Variants in PDE4D observed in about 807,000 individuals in gnomAD.
The protein encoded by PDE4D is phosphodiesterase 4D.
PDE4D carries 24 observed loss-of-function variants against 87.4 expected under a neutral mutation model. The ratio of observed to expected loss-of-function variants is 0.27; its 90% CI spans 0.20 to 0.39. The LOEUF (loss-of-function observed/expected upper bound fraction) is 0.39. Ranked by LOEUF, PDE4D falls within the 10% of genes least tolerant of loss-of-function variation. PDE4D has a pLI of 1.00. For synonymous variants in PDE4D, 384 were observed against 383.2 expected (o/e 1.00, Z -0.02); for missense variants, 714 against 1,041.0 (o/e 0.69, Z 4.32).
intron 1 of PDE4D, among the ~76,000 whole-genome samples, chr5:59,639,026 G>A (rs1741086841): frequency 6.6e-6 from 1 of 152,038 alleles, no homozygotes; most frequent in South Asian, 2.1e-4. Flanking sequence ...GAAGTAGGAA[G>A]AGAAAAATTC....
rs199792727 is a variant in PDE4D, at chr5:58,975,103, A to C, written c.2014-23T>G. The C allele has an allele frequency of 8.9e-5, 126 of 1,422,174 alleles. 1 individual carries two copies. The African/African-American group carries it at 1.8e-3, about 20-fold the overall frequency. 88.1% of individuals were successfully genotyped at this position (1,422,174 alleles called of 1,614,324 possible). A position where few individuals can be genotyped will look rare whatever the true frequency, so the allele number is the denominator to read the frequency against. On this transcript the variant is annotated intron_variant, in intron 14 of 14. Coordinates refer to ENST00000340635, the MANE Select transcript of PDE4D (RefSeq NM_001104631.2). This position sits in a 1 kb window ranked among gnomAD's most constrained non-coding sequence, Gnocchi z 4.2. Reference sequence around the variant, plus strand: ...CACCTAGTTAAGAAAAAAATCCAGTATGAGTAGAGGACTTGGGACTAAGAA... The same window carrying C: ...CACCTAGTTAAGAAAAAAATCCAGTCTGAGTAGAGGACTTGGGACTAAGAA...
chr5:59,017,059 G>A (rs1754149071), intron 6 of PDE4D, among the ~76,000 whole-genome samples: 1 of 152,120 alleles, frequency 6.6e-6, no homozygotes. Context: ...AACCAGATTT[G>A]GGGCACAGCA....
chr5:60,390,028 C>A (rs1049554246), intron 1 of PDE4D, among the ~76,000 whole-genome samples: 2 of 152,206 alleles, frequency 1.3e-5, no homozygotes, highest in African/African-American at 2.4e-5. Flanking sequence ...AGAAACCAAG[C>A]TCTAGCATCC....
chr5:59,704,086 C>T (rs776167779), intron 1 of PDE4D, among the ~76,000 whole-genome samples: 11 of 152,176 alleles, frequency 7.2e-5, no homozygotes, highest in East Asian at 1.9e-4. Context: ...TCAAGGAGTG[C>T]GAGGGAGGTA....
chr5:60,499,840 A>G (rs1217101011), intron 1 of PDE4D, among the ~76,000 whole-genome samples: 2 of 152,164 alleles, frequency 1.3e-5, no homozygotes. Flanking sequence ...TGCTTATGGT[A>G]TATTTCTCTC....
intron 1 of PDE4D, among the ~76,000 whole-genome samples, chr5:59,745,444 C>T (rs960133344): frequency 6.6e-6 from 1 of 152,146 alleles, no homozygotes; most frequent in Non-Finnish European, 1.5e-5. Context: ...CAGTAAAGAA[C>T]TGTGTTGATG....
At chr5:59,320,102 C>A (rs1444316514) in intron 1 of PDE4D, among the ~76,000 whole-genome samples, 1 of 151,738 alleles carries the variant, frequency 6.6e-6, no homozygotes, top group African/African-American at 2.4e-5. Flanking sequence ...GGTGGTTGAC[C>A]CTGAGCTCTC....
At chr5:60,395,994 C>T (rs986423083) in intron 1 of PDE4D, among the ~76,000 whole-genome samples, 1 of 152,148 alleles carries the variant, frequency 6.6e-6, no homozygotes, top group Non-Finnish European at 1.5e-5. Context: ...ACCCAGCCCA[C>T]GGTTACCAAG....
intron 1 of PDE4D, among the ~76,000 whole-genome samples, chr5:60,468,387 C>T (rs1193528603): frequency 6.6e-6 from 1 of 152,076 alleles, no homozygotes; most frequent in Non-Finnish European, 1.5e-5. Context: ...AACCCACCTG[C>T]CTCAGCATCC....
intron 2 of PDE4D, among the ~76,000 whole-genome samples, chr5:60,094,384 TTTAAG>T (rs1420344681): frequency 1.3e-5 from 2 of 152,152 alleles, no homozygotes; most frequent in African/African-American, 4.8e-5. Context: ...GTAGAGAGAC[TTTAAG>T]TTAAAAGACT....
intron 1 of PDE4D, among the ~76,000 whole-genome samples, chr5:59,300,183 AAT>A (rs1005633231): frequency 1.1e-4 from 17 of 151,980 alleles, no homozygotes; most frequent in Non-Finnish European, 2.5e-4. Context: ...ATGAATGAAA[AAT>A]ACACTTTATT....
At chr5:59,325,342 A>G (rs1266744026) in intron 1 of PDE4D, among the ~76,000 whole-genome samples, 1 of 152,194 alleles carries the variant, frequency 6.6e-6, no homozygotes, top group African/African-American at 2.4e-5. Flanking sequence ...AACATTGAAC[A>G]ATGCAGTAGT....
intron 1 of PDE4D, among the ~76,000 whole-genome samples, chr5:60,225,545 G>T (rs1166696744): frequency 3.3e-5 from 5 of 151,936 alleles, no homozygotes; most frequent in Non-Finnish European, 7.4e-5. Flanking sequence ...GTCACTATTA[G>T]GTTCATTTGT....
rs1221203733 is a variant in PDE4D, at chr5:59,502,530, C to A, written c.456-286562G>T. ...AAAGATGGAGATATATCTAATGAAA[C>A]ATAAATTTAAAAAAAGACATTTTAT... is the stretch of plus-strand genomic sequence containing the variant. On this transcript the variant is annotated intron_variant, in intron 1 of 14. Transcript: ENST00000340635. Among the ~76,000 whole-genome samples the A allele has an allele frequency of 2.6e-5, 4 of 152,010 alleles. No individual in the cohort carries two copies. The South Asian group carries it at 6.2e-4, about 24-fold the overall frequency.
chr5:60,515,995 A>C (rs1288668640), intron 1 of PDE4D, among the ~76,000 whole-genome samples: 1 of 152,230 alleles, frequency 6.6e-6, no homozygotes, highest in East Asian at 1.9e-4. Context: ...CTATGCTCTA[A>C]GTGTCTATAA....
intron 2 of PDE4D, among the ~76,000 whole-genome samples, chr5:60,159,777 C>A (rs2149459847): frequency 6.6e-6 from 1 of 152,276 alleles, no homozygotes; most frequent in Non-Finnish European, 1.5e-5. Context: ...TGATTCTCAC[C>A]TTCCTCTTGC....
At chr5:59,333,082 C>T (rs762663496) in intron 1 of PDE4D, among the ~76,000 whole-genome samples, 2 of 152,174 alleles carry the variant, frequency 1.3e-5, no homozygotes, top group African/African-American at 2.4e-5. Flanking sequence ...ATATACCAAG[C>T]ATATCTGTTG....
chr5:60,328,847 T>TCC (rs376031509), intron 1 of PDE4D, among the ~76,000 whole-genome samples: 4 of 149,020 alleles, frequency 2.7e-5, no homozygotes, highest in Admixed American at 6.7e-5. Context: ...TTCCCTTTTT[T>TCC]CCCTGAAAAC....
At position 59,659,655 on chromosome 5, in the gene PDE4D, C is replaced by G. The variant is rs555132915; in HGVS notation, c.455+233513G>C. 3.4e-4 allele frequency among the ~76,000 whole-genome samples: 52 copies of G among 152,318 alleles called. 1 individual carries two copies. In the South Asian group the frequency reaches 0.01, roughly 30 times the overall value. ...ATCTCCTTTCTCTGACAGTGTCCAG[C>G]TACAGTAACATCTATATCAAACTGC... On this transcript the variant is annotated intron_variant, in intron 1 of 14. Coordinates refer to ENST00000340635, the MANE Select transcript of PDE4D (RefSeq NM_001104631.2).
Sources: gnomAD v4.1 joint callset for allele counts (sites outside exome capture counted in the v4.1 genomes callset) on GRCh38, gnomAD v4.1.1 for gene constraint, Gnocchi (gnomAD v3.1) non-coding constraint, MANE v1.5 for transcripts, NCBI Gene and HGNC (gene_info 2026-07-23, HGNC 2026-07-21) for gene names.